The following CHM variants were observed in gnomAD, a reference collection of about 807,000 sequenced individuals.
CHM encodes the protein CHM Rab escort protein.
CHM carries 10 observed loss-of-function variants against 49.0 expected under a neutral mutation model. The observed-to-expected ratio is 0.20, with a 90% confidence interval of 0.13 to 0.35. The LOEUF is 0.35. Among genes scored for constraint, CHM ranks in the 10% least tolerant of loss-of-function variants. The pLI is 1.00. For missense variants in CHM, 455 were observed against 478.4 expected (o/e 0.95, Z 0.46); for synonymous variants, 184 against 167.5 (o/e 1.10, Z -0.76).
Position 85,878,429 on chromosome X carries a change from G to A in CHM, c.1609+536C>T, listed in dbSNP as rs1395653993. Among the ~76,000 whole-genome samples, 5 of 108,132 alleles carry A rather than the reference G, an allele frequency of 4.6e-5. No homozygotes were observed. In the East Asian group the frequency reaches 1.2e-3, roughly 25 times the overall value. The allele number at this position is 108,132 out of a possible 115,157, so 93.9% of individuals were successfully genotyped here. The stretch of plus-strand genomic sequence containing the variant: ...TGGGAGGTGGAGGCTGCAGTGAGCC[G>A]AGATCACGCCACTGCACTCCAACCT... On this transcript the variant is annotated intron_variant, in intron 13 of 14. Transcript: ENST00000357749.
chrX:86,011,965 C>A (rs1375149815), intron 2 of CHM, among the ~76,000 whole-genome samples: 1 of 111,969 alleles, frequency 8.9e-6, no homozygotes, highest in African/African-American at 3.2e-5. Flanking sequence ...ACTTCGTCCC[C>A]GTAAGACTCA....
rs770550029 is a variant in CHM, at chrX:85,862,606, G to A, written c.*2024C>T. 2 of 112,070 alleles carry A rather than the reference G, an allele frequency of 1.8e-5. No homozygotes were observed. Among genetic ancestry groups the A allele is most frequent in the South Asian group, 7.4e-4 (2 of 2,688 alleles). The allele number at this position is 112,070 out of a possible 1,213,427, so 9.2% of individuals were successfully genotyped here. Reference sequence around the variant, plus strand: ...CCCTGATTTGTGTGACATTATAAAAGGGGAAGTGAGGGAAAGGGGACTAAA... The same window carrying A: ...CCCTGATTTGTGTGACATTATAAAAAGGGAAGTGAGGGAAAGGGGACTAAA... On this transcript the variant is annotated 3_prime_UTR_variant, in exon 15 of 15. Transcript: ENST00000357749.
intron 5 of CHM, among the ~76,000 whole-genome samples, chrX:85,963,121 C>T (rs965716708): frequency 1.8e-5 from 2 of 111,473 alleles, no homozygotes; most frequent in Non-Finnish European, 3.8e-5. Context: ...TCTACATACC[C>T]GTCATCTACA....
chrX:85,927,776 AAACT>A (rs1928179537), intron 8 of CHM, among the ~76,000 whole-genome samples: 1 of 112,124 alleles, frequency 8.9e-6, no homozygotes, highest in African/African-American at 3.2e-5. Context: ...CACTACAGAT[AAACT>A]AAGAGTTGTC....
At chrX:85,986,534 C>T (rs1012932035) in intron 2 of CHM, among the ~76,000 whole-genome samples, 11 of 111,770 alleles carry the variant, frequency 9.8e-5, no homozygotes, top group Non-Finnish European at 2.1e-4. Context: ...CTGGATGACA[C>T]GCCAAAGCTT....
intron 2 of CHM, among the ~76,000 whole-genome samples, chrX:86,004,066 G>A (rs935512531): frequency 3.6e-5 from 4 of 112,032 alleles, no homozygotes; most frequent in African/African-American, 6.5e-5. Flanking sequence ...CGGATCTCTC[G>A]GCACAAACCT....
chrX:85,946,187 C>T (rs774749363), intron 8 of CHM, among the ~76,000 whole-genome samples: 1 of 112,061 alleles, frequency 8.9e-6, no homozygotes, highest in Admixed American at 9.4e-5. Flanking sequence ...GTAGCCTGGC[C>T]GTGTGGTAGA....
intron 13 of CHM, among the ~76,000 whole-genome samples, chrX:85,876,880 A>AT (rs1048235878): frequency 9.0e-6 from 1 of 111,266 alleles, no homozygotes; most frequent in East Asian, 2.8e-4. Flanking sequence ...CCCCAGCTTG[A>AT]TTTTTTTTAA....
chrX:85,972,622 G>C (rs766960331), intron 4 of CHM, among the ~76,000 whole-genome samples: 1 of 112,916 alleles, frequency 8.9e-6, no homozygotes, highest in African/African-American at 3.2e-5. Flanking sequence ...CTCACTGCCC[G>C]GGGCCGGCAG....
At chrX:85,909,788 G>T (rs1926821956) in intron 9 of CHM, among the ~76,000 whole-genome samples, 1 of 111,967 alleles carries the variant, frequency 8.9e-6, no homozygotes, top group Admixed American at 9.5e-5. Flanking sequence ...TGTCACATGG[G>T]ACTGAAATGG....
Position 86,007,614 on chromosome X carries a change from C to T in CHM, c.116+19877G>A, listed in dbSNP as rs1440864981. Among the ~76,000 whole-genome samples the T allele has an allele frequency of 3.6e-5, 4 of 112,343 alleles. No homozygotes were observed. The East Asian group carries it at 1.1e-3, about 31-fold the overall frequency. ...GGGCAAAGGATATTAGTAGACACTT[C>T]TCAAAAGAAGACATCTATGCAGCCA... is the stretch of plus-strand genomic sequence containing the variant. On this transcript the variant is annotated intron_variant, in intron 2 of 14. Transcript: ENST00000357749.
chrX:85,872,343 G>C (rs1203214944), intron 14 of CHM, among the ~76,000 whole-genome samples: 1 of 111,881 alleles, frequency 8.9e-6, no homozygotes, highest in East Asian at 2.8e-4. Context: ...TTTTCGTCCT[G>C]TCCAGGGCAA....
chrX:86,039,923 T>C (rs773031521), intron 1 of CHM, among the ~76,000 whole-genome samples: 1 of 111,713 alleles, frequency 9.0e-6, no homozygotes, highest in South Asian at 3.8e-4. Context: ...TTCCTGCCCT[T>C]TGCAGCTCCC....
intron 2 of CHM, among the ~76,000 whole-genome samples, chrX:86,001,016 A>C (rs1932691857): frequency 8.9e-6 from 1 of 112,474 alleles, no homozygotes; most frequent in African/African-American, 3.2e-5. Context: ...ACAAAAAGAC[A>C]AATGTTTAGA....
At chrX:85,920,251 A>C (rs951576535) in intron 8 of CHM, among the ~76,000 whole-genome samples, 1 of 109,254 alleles carries the variant, frequency 9.2e-6, no homozygotes, top group Admixed American at 9.8e-5. Flanking sequence ...GCCCACCACC[A>C]CACCCAGCTA....
At chrX:85,918,798 A>G (rs780799654) in intron 8 of CHM, among the ~76,000 whole-genome samples, 3 of 112,252 alleles carry the variant, frequency 2.7e-5, no homozygotes, top group East Asian at 5.6e-4. Context: ...AGGGCATTAC[A>G]TAATGATAAA....
chrX:85,961,379 C>A (rs1930285650), intron 5 of CHM, among the ~76,000 whole-genome samples: 1 of 95,989 alleles, frequency 1.0e-5, no homozygotes, highest in South Asian at 5.4e-4. Context: ...GAGATGGCGC[C>A]ACTGCACTCC....
chrX:85,870,351 G>A (rs947182483), intron 14 of CHM, among the ~76,000 whole-genome samples: 2 of 111,747 alleles, frequency 1.8e-5, no homozygotes, highest in African/African-American at 6.5e-5. Flanking sequence ...TGGCACTACC[G>A]TATGTGAACA....
intron 2 of CHM, among the ~76,000 whole-genome samples, chrX:86,011,965 C>T (rs1375149815): frequency 8.9e-6 from 1 of 111,969 alleles, no homozygotes; most frequent in Admixed American, 9.5e-5. Flanking sequence ...ACTTCGTCCC[C>T]GTAAGACTCA....
Sources: gnomAD v4.1 joint callset for allele counts (sites outside exome capture counted in the v4.1 genomes callset) on GRCh38, gnomAD v4.1.1 for gene constraint, MANE v1.5 for transcripts, NCBI Gene and HGNC (gene_info 2026-07-23, HGNC 2026-07-21) for gene names.